DISP3: variants seen among roughly 807,000 people sequenced by gnomAD.
The protein encoded by DISP3 is protein dispatched homolog 3.
Under a neutral mutation model 135.3 loss-of-function variants are expected in DISP3, and 101 were observed. The ratio of observed to expected loss-of-function variants is 0.75; its 90% confidence interval spans 0.64 to 0.88. The LOEUF is 0.88. Among genes scored for constraint, DISP3 ranks in the 40% least tolerant of loss-of-function variants. DISP3 has a pLI of 0.00. For synonymous variants in DISP3, 856 were observed against 817.0 expected (o/e 1.05, Z -0.81); for missense variants, 1,713 against 1,878.6 (o/e 0.91, Z 1.63).
rs768605591 is a variant in DISP3, at chr1:11,525,281, C to T, written c.2582C>T (p.Ser861Leu). The T allele has an allele frequency of 2.5e-5, 40 of 1,613,814 alleles. No homozygotes were observed. Among genetic ancestry groups the T allele is most frequent in the East Asian group, 4.5e-5 (2 of 44,878 alleles). The change falls in exon 12 of 21, where the codon TCG (serine) becomes TTG (leucine). Residue 861 changes from serine (S) to leucine (L), a missense_variant. By Grantham distance (145) the Ser-to-Leu change is moderately radical (BLOSUM62 -2). This residue lies in a region of DISP3 where 1,142 missense variants were observed against 1,384.6 expected (regional missense o/e 0.82). Coordinates refer to ENST00000294484, the MANE Select transcript of DISP3 (RefSeq NM_020780.2). ...ASLPAPWQAV[S>L]PGDGEVPSFQ... is the part of the protein sequence containing the mutation. Reference sequence around the variant, plus strand: ...CTGCCTGCTCCTTGGCAGGCTGTGTCGCCTGGGGATGGAGAGGTGCCCTCC... The same window carrying T: ...CTGCCTGCTCCTTGGCAGGCTGTGTTGCCTGGGGATGGAGAGGTGCCCTCC...
At chr1:11,505,263 G>A (rs1012986676) in intron 3 of DISP3, among the ~76,000 whole-genome samples, 1 of 152,208 alleles carries the variant, frequency 6.6e-6, no homozygotes, top group Admixed American at 6.5e-5. Flanking sequence ...TGGGATTGTT[G>A]CTGGTTCAGT....
chr1:11,514,332 A>G (rs1051057431), intron 3 of DISP3, 58 bp from the exon 4 acceptor site: 2 of 1,532,652 alleles, frequency 1.3e-6, no homozygotes, highest in Admixed American at 1.7e-5. Context: ...TCACATGTTC[A>G]CAGCCATCTC....
intron 1 of DISP3, among the ~76,000 whole-genome samples, chr1:11,481,038 T>TTCTC (rs368929945): frequency 0.02 from 2,646 of 129,776 alleles, 88 homozygotes; most frequent in African/African-American, 0.075. Context: ...TCCCCCAGGT[T>TTCTC]TCTCTCTCTC....
chr1:11,522,772 ACCCAGCCAGG>A (rs1642266317), intron 10 of DISP3, among the ~76,000 whole-genome samples: 8 of 14,962 alleles, frequency 5.3e-4, no homozygotes, highest in African/African-American at 1.6e-3. Context: ...CCCAGCCAGG[ACCCAGCCAGG>A]GCCCAGCCAG....
chr1:11,504,972 T>A (rs981697863), intron 3 of DISP3, among the ~76,000 whole-genome samples: 28 of 152,334 alleles, frequency 1.8e-4, no homozygotes, highest in African/African-American at 5.8e-4. Flanking sequence ...ATATCTTGGG[T>A]CCGATCCCAG....
intron 17 of DISP3, 102 bp from the exon 18 acceptor site, chr1:11,534,279 G>A (rs1490821117): frequency 1.4e-5 from 19 of 1,395,894 alleles, no homozygotes; most frequent in Middle Eastern, 3.6e-4. Flanking sequence ...CCCAACACAC[G>A]CACCACTCCA....
rs1052530705 is a variant in DISP3 at position 11,519,246 on chromosome 1, G to T, written c.1890-109G>T. 75 of 1,321,858 alleles carry T rather than the reference G, an allele frequency of 5.7e-5. No homozygotes were observed. The highest frequency in any genetic ancestry group is 2.6e-4 in the Middle Eastern group (1 of 3,920). 81.9% of individuals were successfully genotyped at this position (1,321,858 alleles called of 1,614,324 possible). A position where few individuals can be genotyped will look rare whatever the true frequency, so the allele number is the denominator to read the frequency against. On this transcript the variant is annotated intron_variant, in intron 7 of 20. Transcript: ENST00000294484. The surrounding 1 kb of genome is among the most constrained non-coding windows in gnomAD (Gnocchi z 4.3). ...CTGGGGTGCTCATCCTGTGTGTGACGTCAGCAGCACTGTGATACCTGGGTT... is the reference window on the plus strand; with the variant it reads ...CTGGGGTGCTCATCCTGTGTGTGACTTCAGCAGCACTGTGATACCTGGGTT...
intron 11 of DISP3, among the ~76,000 whole-genome samples, 153 bp from the exon 12 acceptor site, chr1:11,525,023 T>G (rs1642372081): frequency 6.7e-6 from 1 of 150,374 alleles, no homozygotes; most frequent in Non-Finnish European, 1.5e-5. Flanking sequence ...ATGGACCTGG[T>G]CCAGTAGAGA....
chr1:11,536,722 C>T lies in DISP3; in HGVS notation c.*36C>T. 3 of 1,487,082 alleles carry T rather than the reference C, an allele frequency of 2.0e-6. No homozygotes were observed. Among genetic ancestry groups the T allele is most frequent in the African/African-American group, 1.4e-5 (1 of 71,096 alleles). The allele number at this position is 1,487,082 out of a possible 1,614,324, so 92.1% of individuals were successfully genotyped here. A position where few individuals can be genotyped will look rare whatever the true frequency, so the allele number is the denominator to read the frequency against. On this transcript the variant is annotated 3_prime_UTR_variant, in exon 21 of 21. Transcript: ENST00000294484. This position sits in a 1 kb window ranked among gnomAD's most constrained non-coding sequence, Gnocchi z 4.3. Reference sequence around the variant, plus strand: ...GCTCTGGACACTTGCACCTTTGGTCCCATGGGTGGGGGACAGGAGCTGCTT... The same window carrying T: ...GCTCTGGACACTTGCACCTTTGGTCTCATGGGTGGGGGACAGGAGCTGCTT...
At chr1:11,480,082 C>A (rs1383106971) in intron 1 of DISP3, among the ~76,000 whole-genome samples, 1 of 151,664 alleles carries the variant, frequency 6.6e-6, no homozygotes, top group Non-Finnish European at 1.5e-5. Context: ...CGGGAGCCAA[C>A]CCCACCGCCG....
intron 1 of DISP3, among the ~76,000 whole-genome samples, chr1:11,479,936 C>G (rs893197888): frequency 2.0e-5 from 3 of 152,180 alleles, no homozygotes; most frequent in Non-Finnish European, 4.4e-5. Flanking sequence ...GCGGGCCGGG[C>G]CAGCGATGGA....
In DISP3 at chr1:11,531,317, G is replaced by A. The variant is rs1642571197; in HGVS notation, c.3230-248G>A. Among the ~76,000 whole-genome samples the A allele has an allele frequency of 6.6e-6, 1 of 152,136 alleles. No homozygotes were observed. Among genetic ancestry groups the A allele is most frequent in the Admixed American group, 6.5e-5 (1 of 15,290 alleles). ...CGGGAGTAGCTTTTCCAAAATTAGG[G>A]GGCGGGGCCAGGGGCTGGCCCCACA... On this transcript the variant is annotated intron_variant, in intron 16 of 20. Coordinates refer to ENST00000294484, the MANE Select transcript of DISP3 (RefSeq NM_020780.2). The surrounding 1 kb of genome is among the most constrained non-coding windows in gnomAD (Gnocchi z 5.2).
At chr1:11,510,024 G>A (rs758630210) in intron 3 of DISP3, among the ~76,000 whole-genome samples, 19 of 152,170 alleles carry the variant, frequency 1.2e-4, no homozygotes, top group South Asian at 4.2e-4. Flanking sequence ...GCGTGAACCC[G>A]GGAGGTGGAG....
In DISP3 at chr1:11,517,576, A is replaced by G; in HGVS notation, c.1863A>G (p.Ala621=). ...TGGGCCTCTGGAGCCTCTACCTGGC[A>G]CCACTGGAGAGCTCCTGCCAGACCA... ...AALGLWSLYL[A]PLESSCQTSC... The change falls in exon 7 of 21, where the codon GCA becomes GCG. Residue 621 remains alanine, a synonymous_variant. Coordinates refer to ENST00000294484, the MANE Select transcript of DISP3 (RefSeq NM_020780.2). 1 of 1,614,008 alleles carries G rather than the reference A, an allele frequency of 6.2e-7. No individual in the cohort carries two copies. The highest frequency in any genetic ancestry group is 8.5e-7 in the Non-Finnish European group (1 of 1,180,034).
chr1:11,534,455 G>A lies in DISP3; in HGVS notation c.3450G>A (p.Gln1150=), dbSNP rs559609895. Residue 1150 remains glutamine (Q), a synonymous_variant, in exon 18 of 21, where the codon CAG becomes CAA. Transcript: ENST00000294484. ...GCTGGGAGAGCTTCCTCCAGCAGCA[G>A]CTGCAGGCCTTGCCCGAGGGCTCAG... The part of the protein sequence containing the change: ...YLRWESFLQQ[Q]LQALPEGSVL... 1 of 1,614,210 alleles carries A rather than the reference G, an allele frequency of 6.2e-7. No individual in the cohort carries two copies. The highest frequency in any genetic ancestry group is 1.1e-5 in the South Asian group (1 of 91,090).
rs748417480 is a variant in DISP3, at chr1:11,501,791, A to G, written c.799A>G (p.Thr267Ala). ...DYSRAYVSAN[T>A]QTHAHWRIEL... Reference sequence around the variant, plus strand: ...CTCGCGCGCCTATGTGAGTGCCAACACTCAGACGCACGCGCACTGGCGCAT... The same window carrying G: ...CTCGCGCGCCTATGTGAGTGCCAACGCTCAGACGCACGCGCACTGGCGCAT... The change falls in exon 2 of 21, where the codon ACT becomes GCT. Residue 267 changes from threonine (T) to alanine (A), a missense_variant. Physicochemically the swap from Thr to Ala is moderately conservative, Grantham distance 58. Around this residue, in one of 2 missense-constraint regions of DISP3, gnomAD observed 571 missense variants for 494.1 expected, o/e 1.16. Transcript: ENST00000294484. The surrounding 1 kb of genome is among the most constrained non-coding windows in gnomAD (Gnocchi z 4.9). The G allele has an allele frequency of 1.2e-5, 19 of 1,602,422 alleles. No homozygotes were observed. Among genetic ancestry groups the G allele is most frequent in the East Asian group, 1.1e-4 (5 of 44,596 alleles).
intron 3 of DISP3, 67 bp from the exon 4 acceptor site, chr1:11,514,323 C>A: frequency 6.6e-7 from 1 of 1,510,646 alleles, no homozygotes; most frequent in Non-Finnish European, 9.2e-7. Context: ...TCTACATGTT[C>A]ACATGTTCAC....
intron 3 of DISP3, among the ~76,000 whole-genome samples, chr1:11,504,108 T>A (rs910233218): frequency 2.0e-5 from 3 of 152,206 alleles, no homozygotes; most frequent in African/African-American, 7.2e-5. Flanking sequence ...ATCCTTTATA[T>A]TGAGCAACTG....
chr1:11,522,616 G>A (rs1570130239), intron 10 of DISP3, among the ~76,000 whole-genome samples: 1 of 110,068 alleles, frequency 9.1e-6, no homozygotes, highest in Admixed American at 9.3e-5. Context: ...AGCCCAGCCA[G>A]GACCCAGCCA....
Sources: gnomAD v4.1 joint callset for allele counts (sites outside exome capture counted in the v4.1 genomes callset) on GRCh38, gnomAD v4.1.1 for gene constraint, gnomAD v4.1.1 regional missense constraint, Gnocchi (gnomAD v3.1) non-coding constraint, MANE v1.5 for transcripts, NCBI Gene and HGNC (gene_info 2026-07-23, HGNC 2026-07-21) for gene names.